GLI4: variants seen among roughly 807,000 people sequenced by gnomAD.
GLI4 encodes the protein zinc finger protein GLI4.
A neutral mutation model predicts 30.9 loss-of-function variants in GLI4; 34 were observed. That is an observed-to-expected ratio of 1.10 (90% confidence interval 0.84 to 1.47). The LOEUF is 1.47. Among genes scored for constraint, GLI4 ranks in the 40% most tolerant of loss-of-function variants. The pLI is 0.00. For synonymous variants in GLI4, 277 were observed against 236.7 expected (o/e 1.17, Z -1.56); for missense variants, 696 against 538.9 (o/e 1.29, Z -2.89).
intron 1 of GLI4, chr8:143,267,754 C>G: frequency 1.0e-6 from 1 of 985,364 alleles, no homozygotes. Flanking sequence ...CCAGTGACGG[C>G]AGCTGTCGTC....
intron 2 of GLI4, 107 bp from the exon 3 acceptor site, chr8:143,274,597 G>A (rs1586729006): frequency 2.7e-6 from 3 of 1,117,722 alleles, no homozygotes; most frequent in Non-Finnish European, 3.7e-6. Context: ...GGAGGGCCAG[G>A]AGGTGTCCTG....
rs1186961955 is a variant in GLI4 at position 143,268,095 on chromosome 8, C to T, written c.-38+611C>T. 3 of 985,094 alleles carry T rather than the reference C, an allele frequency of 3.0e-6. No homozygotes were observed. In the African/African-American group the frequency reaches 5.2e-5, roughly 17 times the overall value. 61.0% of individuals were successfully genotyped at this position (985,094 alleles called of 1,614,324 possible). On this transcript the variant is annotated intron_variant, in intron 1 of 3. Transcript: ENST00000340042. Reference sequence around the variant, plus strand: ...CGAGCAGGCCCTTTTACCAGGTGTCCCCAGTAAGTTAACTAAGTAACTTGA... The same window carrying T: ...CGAGCAGGCCCTTTTACCAGGTGTCTCCAGTAAGTTAACTAAGTAACTTGA...
intron 2 of GLI4, among the ~76,000 whole-genome samples, chr8:143,274,043 G>GC (rs1327949499): frequency 1.3e-5 from 2 of 152,196 alleles, no homozygotes; most frequent in African/African-American, 2.4e-5. Context: ...CCCCCACCCT[G>GC]CCCCCACCAA....
Position 143,276,447 on chromosome 8 carries a change from G to C in GLI4, c.774G>C (p.Leu258=). 6.2e-7 allele frequency: 1 copy of C among 1,612,692 alleles called. No individual in the cohort carries two copies. Among genetic ancestry groups the C allele is most frequent in the Non-Finnish European group, 8.5e-7 (1 of 1,179,722 alleles). Residue 258 remains leucine, a synonymous_variant, in exon 4 of 4, where the codon CTG becomes CTC. Coordinates refer to ENST00000340042, the MANE Select transcript of GLI4 (RefSeq NM_138465.4). The part of the protein sequence containing the change: ...FSHSSHFTQH[L]RIHNGEKPYK... ...ACAGCTCGCACTTCACGCAGCACCT[G>C]CGCATCCACAACGGCGAGAAGCCCT...
intron 1 of GLI4, 73 bp downstream of exon 1, chr8:143,267,557 T>C (rs1815163665): frequency 5.1e-6 from 5 of 985,410 alleles, no homozygotes; most frequent in Non-Finnish European, 6.0e-6. Flanking sequence ...TGCGCCGTAC[T>C]CCGCGGTGCA....
At chr8:143,275,332 C>G in intron 3 of GLI4, 1 of 1,430,160 alleles carries the variant, frequency 7.0e-7, no homozygotes, top group South Asian at 1.5e-5. Flanking sequence ...CACATCTGGG[C>G]GGCCCTGGGG....
At chr8:143,269,543 G>T (rs370732649) in intron 2 of GLI4, 23 bp downstream of exon 2, 1 of 1,601,752 alleles carries the variant, frequency 6.2e-7, no homozygotes, top group South Asian at 1.1e-5. Flanking sequence ...CCCGCTGTGC[G>T]CCCTCCACCC....
At position 143,276,810 on chromosome 8, in the gene GLI4, C is replaced by T. The variant is rs1313403495; in HGVS notation, c.*6C>T. ...GGGTGCACTACCGCGAGTAGCCGGG[C>T]GGGGGCTCGGGGCTCGGCCTCCTAC... On this transcript the variant is annotated 3_prime_UTR_variant, in exon 4 of 4. Coordinates refer to ENST00000340042, the MANE Select transcript of GLI4 (RefSeq NM_138465.4). 4 of 1,524,872 alleles carry T rather than the reference C, an allele frequency of 2.6e-6. No individual in the cohort carries two copies. Among genetic ancestry groups the T allele is most frequent in the African/African-American group, 2.7e-5 (2 of 73,064 alleles). 94.5% of individuals were successfully genotyped at this position (1,524,872 alleles called of 1,614,324 possible).
intron 2 of GLI4, among the ~76,000 whole-genome samples, chr8:143,274,218 G>A (rs1443675394): frequency 1.3e-5 from 2 of 152,200 alleles, no homozygotes; most frequent in Admixed American, 6.5e-5. Flanking sequence ...GTTTCTGGGC[G>A]CTCGTCAAGG....
chr8:143,269,960 A>T (rs2129665704), intron 2 of GLI4, among the ~76,000 whole-genome samples: 1 of 152,254 alleles, frequency 6.6e-6, no homozygotes, highest in East Asian at 1.9e-4. Context: ...GCCTTGCTCC[A>T]CCCCTGATGT....
Position 143,275,292 on chromosome 8 carries a change from G to A in GLI4, c.223+490G>A, listed in dbSNP as rs767411844. On this transcript the variant is annotated intron_variant, in intron 3 of 3. Coordinates refer to ENST00000340042, the MANE Select transcript of GLI4 (RefSeq NM_138465.4). Reference sequence around the variant, plus strand: ...TCCCTCTGGGCGATGTTAGTGATATGGCTGGATTTAACAGTGCTGAGCCCT... The same window carrying A: ...TCCCTCTGGGCGATGTTAGTGATATAGCTGGATTTAACAGTGCTGAGCCCT... 73 of 1,486,592 alleles carry A rather than the reference G, an allele frequency of 4.9e-5. No individual in the cohort carries two copies. In the Middle Eastern group the frequency reaches 1.8e-3, roughly 36 times the overall value. The allele number at this position is 1,486,592 out of a possible 1,614,324, so 92.1% of individuals were successfully genotyped here.
At chr8:143,274,362 A>G in intron 2 of GLI4, 1 of 194,010 alleles carries the variant, frequency 5.2e-6, no homozygotes. Context: ...ATGCTGGGGC[A>G]TGGAGGAGGG....
chr8:143,275,826 C>T (rs996315346), intron 3 of GLI4, 71 bp from the exon 4 acceptor site: 2 of 1,251,114 alleles, frequency 1.6e-6, no homozygotes, highest in African/African-American at 1.6e-5. Context: ...GCTCTCACTC[C>T]CCGTCCCCGT....
At chr8:143,267,970 C>G (rs571836823) in intron 1 of GLI4, 2 of 985,312 alleles carry the variant, frequency 2.0e-6, no homozygotes, top group African/African-American at 1.7e-5. Flanking sequence ...CCCCTTCAGT[C>G]TGGAGCTCAG....
At position 143,276,091 on chromosome 8, in the gene GLI4, C is replaced by T. The variant is rs557105587; in HGVS notation, c.418C>T (p.Arg140Trp). ...PPGAVPCAQP[R>W]GAWRVTLVQQ... ...TGGGGCCGTCCCTTGCGCCCAGCCG[C>T]GGGGCGCCTGGCGCGTGACGCTCGT... is the stretch of plus-strand genomic sequence containing the variant. The change falls in exon 4 of 4, where the codon CGG (arginine) becomes TGG (tryptophan). Residue 140 changes from arginine to tryptophan, a missense_variant. Arg to Trp is a moderately radical substitution (Grantham distance 101). Transcript: ENST00000340042. 3.8e-5 allele frequency: 54 copies of T among 1,413,738 alleles called. No homozygotes were observed. The Admixed American group carries it at 5.0e-4, about 13-fold the overall frequency. 87.6% of individuals were successfully genotyped at this position (1,413,738 alleles called of 1,614,324 possible). A position where few individuals can be genotyped will look rare whatever the true frequency, so the allele number is the denominator to read the frequency against.
chr8:143,271,762 C>G (rs1277760162), intron 2 of GLI4, among the ~76,000 whole-genome samples: 1 of 151,968 alleles, frequency 6.6e-6, no homozygotes, highest in East Asian at 1.9e-4. Flanking sequence ...TGGGGAGGGT[C>G]GTGAGGGGCA....
intron 1 of GLI4, 29 bp downstream of exon 1, chr8:143,267,513 T>G: frequency 1.0e-6 from 1 of 986,212 alleles, no homozygotes; most frequent in Non-Finnish European, 1.2e-6. Flanking sequence ...CGGCGGCGGC[T>G]CCGGGTGCCT....
rs764644820 is a variant in GLI4 at position 143,269,509 on chromosome 8, G to A, written c.113G>A (p.Gly38Glu). The change falls in exon 2 of 4, where the codon GGG becomes GAG. Residue 38 changes from glycine (G) to glutamate (E), a missense_variant. Coordinates refer to ENST00000340042, the MANE Select transcript of GLI4 (RefSeq NM_138465.4). ...QHHEPQLHLH[G>E]HQHGSPGSSP... ...CACGAGCCTCAGCTTCACCTCCATG[G>A]GCATCAACATGGTACTCACCCAGCC... 5 of 1,612,400 alleles carry A rather than the reference G, an allele frequency of 3.1e-6. No homozygotes were observed. In the South Asian group the frequency reaches 4.4e-5, roughly 14 times the overall value.
intron 2 of GLI4, among the ~76,000 whole-genome samples, chr8:143,272,074 A>G (rs573670000): frequency 6.6e-6 from 1 of 152,208 alleles, no homozygotes; most frequent in South Asian, 2.1e-4. Context: ...TGGAAGGTTT[A>G]CCCAGGGGTC....
Sources: gnomAD v4.1 joint callset for allele counts (sites outside exome capture counted in the v4.1 genomes callset) on GRCh38, gnomAD v4.1.1 for gene constraint, MANE v1.5 for transcripts, NCBI Gene and HGNC (gene_info 2026-07-23, HGNC 2026-07-21) for gene names.